Variants in DLC1 observed in about 807,000 individuals in gnomAD.
The protein encoded by DLC1 is rho GTPase-activating protein 7.
Under a neutral mutation model 140.3 loss-of-function variants are expected in DLC1, and 54 were observed. That is an observed-to-expected ratio of 0.38 (90% CI 0.31 to 0.48). The LOEUF is 0.48. DLC1 is among the 20% of genes least tolerant of loss of function. The pLI, the probability that DLC1 is intolerant of heterozygous loss-of-function variation, is 0.96. For synonymous variants in DLC1, 986 were observed against 728.1 expected, an observed-to-expected ratio of 1.35 and a Z score of -5.70; for missense variants, 2,536 against 1,907.0, an observed-to-expected ratio of 1.33 and a Z score of -6.14.
intron 4 of DLC1, among the ~76,000 whole-genome samples, chr8:13,374,131 A>C (rs1212034814): frequency 6.6e-6 from 1 of 152,176 alleles, no homozygotes; most frequent in Non-Finnish European, 1.5e-5. Flanking sequence ...TTAATGTATA[A>C]TTTTTGATTA....
At position 13,480,857 on chromosome 8, in the gene DLC1, T is replaced by A. The variant is rs1800699337; in HGVS notation, c.1023+18192A>T. ...AGGTAGAGGTTGCAGTCAGCTGAGA[T>A]CACGCCATTGCACTGCAGCCTGGGC... On this transcript the variant is annotated intron_variant, in intron 2 of 17. Coordinates refer to ENST00000276297, the MANE Select transcript of DLC1 (RefSeq NM_182643.3). Among the ~76,000 whole-genome samples, 4 of 152,150 alleles carry A rather than the reference T, an allele frequency of 2.6e-5. 1 individual carries two copies. The South Asian group carries it at 8.3e-4, about 32-fold the overall frequency.
At chr8:13,130,761 GA>G (rs1822008350) in intron 5 of DLC1, among the ~76,000 whole-genome samples, 1 of 152,186 alleles carries the variant, frequency 6.6e-6, no homozygotes, top group Admixed American at 6.5e-5. Context: ...ATTTAAGTTG[GA>G]AACTATTTAT....
intron 5 of DLC1, among the ~76,000 whole-genome samples, chr8:13,232,973 A>C (rs1333907885): frequency 6.6e-6 from 1 of 152,220 alleles, no homozygotes; most frequent in East Asian, 1.9e-4. Context: ...AATATTGAAC[A>C]AAAGGAATCA....
At chr8:13,201,082 CCTT>C (rs886112735) in intron 5 of DLC1, among the ~76,000 whole-genome samples, 6 of 151,872 alleles carry the variant, frequency 4.0e-5, no homozygotes, top group Non-Finnish European at 7.4e-5. Flanking sequence ...ACTTTTGTCT[CCTT>C]CTTCCCTTCA....
chr8:13,088,878 T>C (rs1290475487), intron 15 of DLC1, 174 bp from the exon 16 acceptor site: 6 of 569,068 alleles, frequency 1.1e-5, no homozygotes, highest in Non-Finnish European at 1.8e-5. Flanking sequence ...GGCTAATAAA[T>C]CTATGACTTA....
At chr8:13,160,911 C>G (rs777860578) in intron 5 of DLC1, among the ~76,000 whole-genome samples, 1 of 152,140 alleles carries the variant, frequency 6.6e-6, no homozygotes. Flanking sequence ...GAAACCCCGT[C>G]TCTACTAAAA....
intron 2 of DLC1, among the ~76,000 whole-genome samples, chr8:13,431,279 C>G (rs79754667): frequency 1.3e-5 from 2 of 151,592 alleles, no homozygotes; most frequent in East Asian, 2.0e-4. Flanking sequence ...GTCAGGAGAT[C>G]GAGACCATCT....
At chr8:13,452,935 T>C (rs1191468069) in intron 2 of DLC1, among the ~76,000 whole-genome samples, 2 of 152,128 alleles carry the variant, frequency 1.3e-5, no homozygotes, top group Non-Finnish European at 2.9e-5. Flanking sequence ...ATATGAGTAA[T>C]TGTAATTAAA....
rs768388499 is a variant in DLC1, at chr8:13,132,910, G to A, written c.1349-17253C>T. On this transcript the variant is annotated intron_variant, in intron 5 of 17. Transcript: ENST00000276297. ...GTCCCCTCCGCAGCCCGCTCCCGCG[G>A]CCAGCCCGACGGCAAGACGCAAGTC... is the stretch of plus-strand genomic sequence containing the variant. The A allele has an allele frequency of 7.0e-6, 11 of 1,575,248 alleles. No individual in the cohort carries two copies. The East Asian group carries it at 2.6e-4, about 37-fold the overall frequency.
chr8:13,189,497 G>A (rs569545589), intron 5 of DLC1, among the ~76,000 whole-genome samples: 1 of 152,148 alleles, frequency 6.6e-6, no homozygotes, highest in South Asian at 2.1e-4. Context: ...GTAGTGTAGT[G>A]ACAATACTCA....
chr8:13,362,104 G>A (rs1325907492), intron 4 of DLC1, among the ~76,000 whole-genome samples: 2 of 152,240 alleles, frequency 1.3e-5, no homozygotes, highest in Non-Finnish European at 2.9e-5. Context: ...GAAAGTGGGA[G>A]CAGTGGCTTA....
In DLC1 at chr8:13,442,095, A is replaced by C. The variant is rs543697348; in HGVS notation, c.1024-40476T>G. On this transcript the variant is annotated intron_variant, in intron 2 of 17. Coordinates refer to ENST00000276297, the MANE Select transcript of DLC1 (RefSeq NM_182643.3). ...CTTTGACAAACCTGAGAAAAACAAGAAATGGGGAAAGGATTCCCTATTTAA... is the reference window on the plus strand; with the variant it reads ...CTTTGACAAACCTGAGAAAAACAAGCAATGGGGAAAGGATTCCCTATTTAA... 2.7e-4 allele frequency among the ~76,000 whole-genome samples: 41 copies of C among 152,276 alleles called. No homozygotes were observed. In the Middle Eastern group the frequency reaches 0.01, roughly 38 times the overall value.
At chr8:13,300,471 A>T (rs113261451) in intron 5 of DLC1, among the ~76,000 whole-genome samples, 1 of 152,232 alleles carries the variant, frequency 6.6e-6, no homozygotes, top group African/African-American at 2.4e-5. Flanking sequence ...CTTAAAAACA[A>T]ACTCTCCAAC....
chr8:13,559,680 C>G (rs76843282), intron 1 of DLC1, among the ~76,000 whole-genome samples: 3 of 152,268 alleles, frequency 2.0e-5, no homozygotes, highest in South Asian at 4.1e-4. Flanking sequence ...TAGTAGTTTT[C>G]AGGAAAATCG....
intron 3 of DLC1, among the ~76,000 whole-genome samples, chr8:13,396,747 G>A (rs1445086853): frequency 6.6e-6 from 1 of 152,140 alleles, no homozygotes; most frequent in Non-Finnish European, 1.5e-5. Context: ...GACCATCAAT[G>A]TGTAGTTTAG....
chr8:13,429,341 G>C (rs1838753521), intron 2 of DLC1, among the ~76,000 whole-genome samples: 1 of 152,196 alleles, frequency 6.6e-6, no homozygotes, highest in South Asian at 2.1e-4. Flanking sequence ...GAAGTGCATA[G>C]AAGGATAAAC....
intron 1 of DLC1, chr8:13,604,428 T>A (rs1805981190): frequency 6.6e-6 from 1 of 152,192 alleles, no homozygotes; most frequent in African/African-American, 2.4e-5. Context: ...ATAAAATATG[T>A]GACAATATTT....
At chr8:13,319,044 CA>C (rs1462678278) in intron 4 of DLC1, among the ~76,000 whole-genome samples, 1 of 152,180 alleles carries the variant, frequency 6.6e-6, no homozygotes, top group African/African-American at 2.4e-5. Flanking sequence ...CTGGCTTTTG[CA>C]GACCTGGAAT....
intron 1 of DLC1, among the ~76,000 whole-genome samples, chr8:13,540,774 C>A (rs1485369730): frequency 1.3e-5 from 2 of 152,174 alleles, no homozygotes; most frequent in African/African-American, 4.8e-5. Context: ...AATCACTCAT[C>A]TGGGGATTTG....
Sources: allele counts gnomAD v4.1 joint callset (sites outside exome capture counted in the v4.1 genomes callset), GRCh38; gene constraint gnomAD v4.1.1; transcripts MANE v1.5; gene names NCBI Gene and HGNC (gene_info 2026-07-23, HGNC 2026-07-21).